SPATA17: variants seen among roughly 807,000 people sequenced by gnomAD.
SPATA17 encodes the protein spermatogenesis-associated protein 17.
A neutral mutation model predicts 62.2 loss-of-function variants in SPATA17; 53 were observed. The observed-to-expected ratio is 0.85, with a 90% CI of 0.68 to 1.07. The LOEUF is 1.07. Among genes scored for constraint, SPATA17 ranks in the 50% least tolerant of loss-of-function variants. The pLI, the probability that SPATA17 is intolerant of heterozygous loss-of-function variation, is 0.00. For missense variants in SPATA17, 466 were observed against 425.5 expected (o/e 1.10, Z -0.84); for synonymous variants, 146 against 146.8 (o/e 0.99, Z 0.04).
Position 217,810,497 on chromosome 1 carries a change from C to T in SPATA17, c.1005+8647C>T, listed in dbSNP as rs1249424310. Among the ~76,000 whole-genome samples the T allele has an allele frequency of 3.1e-5, 4 of 127,902 alleles. No homozygotes were observed. The East Asian group carries it at 1.0e-3, about 33-fold the overall frequency. 83.9% of individuals were successfully genotyped at this position (127,902 alleles called of 152,430 possible). A position where few individuals can be genotyped will look rare whatever the true frequency, so the allele number is the denominator to read the frequency against. On this transcript the variant is annotated intron_variant, in intron 9 of 10. Coordinates refer to ENST00000366933, the MANE Select transcript of SPATA17 (RefSeq NM_138796.4). ...ATTAAATGGATGAGGTGGCACACACCTGTAATCTCAGCTACTTGGGGGGCT... is the reference window on the plus strand; with the variant it reads ...ATTAAATGGATGAGGTGGCACACACTTGTAATCTCAGCTACTTGGGGGGCT...
chr1:217,756,518 G>A (rs1484657116), intron 6 of SPATA17, among the ~76,000 whole-genome samples: 1 of 152,034 alleles, frequency 6.6e-6, no homozygotes, highest in East Asian at 1.9e-4. Context: ...GCTGAGAAAG[G>A]GACTACTTTA....
intron 4 of SPATA17, among the ~76,000 whole-genome samples, chr1:217,682,455 A>G (rs1671108742): frequency 6.6e-6 from 1 of 152,020 alleles, no homozygotes; most frequent in African/African-American, 2.4e-5. Context: ...TGTAAGAAGC[A>G]GATAATTTCA....
At chr1:217,825,223 G>A (rs1194184156) in intron 9 of SPATA17, among the ~76,000 whole-genome samples, 1 of 151,612 alleles carries the variant, frequency 6.6e-6, no homozygotes, top group Non-Finnish European at 1.5e-5. Context: ...ATTAAGAACA[G>A]AAAAGGTGGA....
intron 5 of SPATA17, among the ~76,000 whole-genome samples, chr1:217,738,258 T>C (rs1332839425): frequency 6.6e-6 from 1 of 152,216 alleles, no homozygotes; most frequent in Non-Finnish European, 1.5e-5. Context: ...ATTTTCCAGT[T>C]ATCAGGGTTT....
intron 6 of SPATA17, among the ~76,000 whole-genome samples, chr1:217,763,058 G>T (rs1334985498): frequency 1.3e-5 from 2 of 152,198 alleles, no homozygotes; most frequent in African/African-American, 4.8e-5. Context: ...TTAGGGAAAA[G>T]CTTGAACATC....
At chr1:217,814,169 A>G (rs1220841419) in intron 9 of SPATA17, among the ~76,000 whole-genome samples, 1 of 152,206 alleles carries the variant, frequency 6.6e-6, no homozygotes, top group Non-Finnish European at 1.5e-5. Context: ...TAAGGGCACA[A>G]TTTGCATTTG....
intron 9 of SPATA17, among the ~76,000 whole-genome samples, chr1:217,808,383 C>CACACACA (rs34932787): frequency 5.4e-4 from 37 of 68,916 alleles, no homozygotes; most frequent in South Asian, 5.3e-3. Flanking sequence ...ACACACACAC[C>CACACACA]CCCCTCAGAA....
At chr1:217,750,266 A>G (rs1403697709) in intron 6 of SPATA17, among the ~76,000 whole-genome samples, 1 of 151,926 alleles carries the variant, frequency 6.6e-6, no homozygotes, top group Admixed American at 6.6e-5. Flanking sequence ...ATAGATTGTG[A>G]ACAGCTTCTG....
chr1:217,750,393 C>T (rs1672877584), intron 6 of SPATA17, among the ~76,000 whole-genome samples: 1 of 152,018 alleles, frequency 6.6e-6, no homozygotes, highest in South Asian at 2.1e-4. Context: ...GGGTGTAATG[C>T]ATTCATGGAA....
At chr1:217,737,590 G>A (rs538938887) in intron 5 of SPATA17, among the ~76,000 whole-genome samples, 19 of 152,058 alleles carry the variant, frequency 1.2e-4, no homozygotes, top group Non-Finnish European at 1.9e-4. Flanking sequence ...TGTCAATCCC[G>A]TCATTGATTG....
intron 8 of SPATA17, among the ~76,000 whole-genome samples, chr1:217,793,224 T>TG (rs1271084295): frequency 2.1e-5 from 3 of 144,694 alleles, no homozygotes; most frequent in East Asian, 2.1e-4. Context: ...GGTTTTTGTT[T>TG]TTTTTTTTTT....
chr1:217,776,312 A>G (rs1461471300), intron 7 of SPATA17, among the ~76,000 whole-genome samples: 2 of 152,192 alleles, frequency 1.3e-5, no homozygotes, highest in Non-Finnish European at 2.9e-5. Context: ...TGTAGTATCA[A>G]CTACCTTGTG....
chr1:217,773,343 T>A (rs1440100232), intron 6 of SPATA17, among the ~76,000 whole-genome samples: 1 of 152,106 alleles, frequency 6.6e-6, no homozygotes, highest in Non-Finnish European at 1.5e-5. Context: ...AGACACCAAA[T>A]AAGTCATATT....
intron 5 of SPATA17, among the ~76,000 whole-genome samples, chr1:217,687,504 A>G (rs1442084498): frequency 6.6e-6 from 1 of 152,212 alleles, no homozygotes; most frequent in Non-Finnish European, 1.5e-5. Flanking sequence ...CTGTAAGATT[A>G]TAATACTATA....
chr1:217,645,001 C>T (rs963519017), intron 1 of SPATA17, among the ~76,000 whole-genome samples: 13 of 151,954 alleles, frequency 8.6e-5, no homozygotes, highest in Admixed American at 7.2e-4. Flanking sequence ...CAGTTCATGA[C>T]ATATTGTATG....
At chr1:217,781,395 T>C (rs1316836349) in intron 7 of SPATA17, 1 of 152,222 alleles carries the variant, frequency 6.6e-6, no homozygotes, top group African/African-American at 2.4e-5. Context: ...ATGCAATTAA[T>C]GGCACAGCAA....
chr1:217,635,787 T>A (rs1015434751), intron 1 of SPATA17, among the ~76,000 whole-genome samples: 6 of 151,992 alleles, frequency 3.9e-5, no homozygotes, highest in Non-Finnish European at 8.8e-5. Flanking sequence ...TGGGGAGACC[T>A]GGTTTTTATC....
chr1:217,643,136 AC>A (rs1367943153), intron 1 of SPATA17, among the ~76,000 whole-genome samples: 2 of 151,862 alleles, frequency 1.3e-5, no homozygotes, highest in Admixed American at 1.3e-4. Flanking sequence ...CACATTGACT[AC>A]TCTATTTCAG....
rs142517954 is a variant in SPATA17, at chr1:217,827,242, A to G, written c.1005+25392A>G. ...AAAATTAAATATTTTTACTAAAACT[A>G]TAAAACATTAATGGAAGAAATTGAA... On this transcript the variant is annotated intron_variant, in intron 9 of 10. Transcript: ENST00000366933. Among the ~76,000 whole-genome samples the G allele has an allele frequency of 7.0e-3, 1,072 of 152,228 alleles. 15 individuals carry two copies. Among genetic ancestry groups the G allele is most frequent in the African/African-American group, 0.024 (1,014 of 41,546 alleles).
Sources: gnomAD v4.1 joint callset for allele counts (sites outside exome capture counted in the v4.1 genomes callset) on GRCh38, gnomAD v4.1.1 for gene constraint, MANE v1.5 for transcripts, NCBI Gene and HGNC (gene_info 2026-07-23, HGNC 2026-07-21) for gene names.